LTV1: variants seen among roughly 807,000 people sequenced by gnomAD.
LTV1 encodes the protein LTV1 ribosome biogenesis factor.
LTV1 carries 39 observed loss-of-function variants against 59.9 expected under a neutral mutation model. That is an observed-to-expected ratio of 0.65 (90% CI 0.50 to 0.85). LTV1 has a LOEUF of 0.85. Ranked by LOEUF, LTV1 falls within the 40% of genes least tolerant of loss-of-function variation. The pLI is 0.00. For missense variants in LTV1, 493 were observed against 549.1 expected, an observed-to-expected ratio of 0.90 and a Z score of 1.02; for synonymous variants, 171 against 189.5, an observed-to-expected ratio of 0.90 and a Z score of 0.80.
chr6:143,861,939 C>G (rs1777170826), intron 7 of LTV1, among the ~76,000 whole-genome samples, 165 bp from the exon 8 acceptor site: 1 of 152,106 alleles, frequency 6.6e-6, no homozygotes, highest in Non-Finnish European at 1.5e-5. Context: ...AGAGGCAGGG[C>G]TGGGTAGAAC....
At chr6:143,861,980 CTG>C (rs1777171858) in intron 7 of LTV1, 122 bp from the exon 8 acceptor site, 1 of 889,492 alleles carries the variant, frequency 1.1e-6, no homozygotes, top group Non-Finnish European at 1.7e-6. Flanking sequence ...GGATGGGTCA[CTG>C]GAATATGTGC....
Position 143,862,229 on chromosome 6 carries a change from G to A in LTV1, c.1049G>A (p.Cys350Tyr). 2.5e-6 allele frequency: 4 copies of A among 1,612,896 alleles called. No homozygotes were observed. The highest frequency in any genetic ancestry group is 1.3e-5 in the African/African-American group (1 of 74,976). The stretch of plus-strand genomic sequence containing the variant: ...GAAGAAGCCAAAGAGAAGTGGGATT[G>A]TGAATCTATTTGTAGTAAGTATATT... Reference protein sequence around the residue: ...VLEEAKEKWDCESICSTYSNL... With the variant: ...VLEEAKEKWDYESICSTYSNL... Residue 350 changes from cysteine (C) to tyrosine (Y), a missense_variant, in exon 8 of 11, where the codon TGT becomes TAT. Physicochemically the swap from Cys to Tyr is radical, Grantham distance 194. Coordinates refer to ENST00000367576, the MANE Select transcript of LTV1 (RefSeq NM_032860.5). This position sits in a 1 kb window ranked among gnomAD's most constrained non-coding sequence, Gnocchi z 4.2.
In LTV1 at chr6:143,846,228, A is replaced by G. The variant is rs778497468; in HGVS notation, c.309+4A>G. The G allele has an allele frequency of 8.1e-6, 13 of 1,606,466 alleles. No homozygotes were observed. In the South Asian group the frequency reaches 1.3e-4, roughly 17 times the overall value. On this transcript the variant is annotated splice_donor_region_variant and intron_variant, in intron 3 of 10. Transcript: ENST00000367576. ...AGAAGAAACGCTAGTAATTCCAGTA[A>G]GGCTTTTCAGCAATTTAATTGTGGG...
intron 6 of LTV1, 133 bp from the exon 7 acceptor site, chr6:143,860,293 T>C: frequency 1.5e-6 from 1 of 682,224 alleles, no homozygotes; most frequent in South Asian, 2.5e-5. Context: ...CCTACTGATA[T>C]TTTAATGGTA....
chr6:143,850,317 C>T (rs1776962133), intron 4 of LTV1, 99 bp downstream of exon 4: 2 of 821,262 alleles, frequency 2.4e-6, no homozygotes, highest in African/African-American at 1.7e-5. Context: ...AGTATTGAAA[C>T]AATTGAGATA....
rs1249051842 is a variant in LTV1 at position 143,862,880 on chromosome 6, T to C, written c.1100T>C (p.Ile367Thr). The change falls in exon 9 of 11, where the codon ATC (isoleucine) becomes ACC (threonine). Residue 367 changes from isoleucine to threonine, a missense_variant. By Grantham distance (89) the Ile-to-Thr change is moderately conservative. Coordinates refer to ENST00000367576, the MANE Select transcript of LTV1 (RefSeq NM_032860.5). The surrounding 1 kb of genome is among the most constrained non-coding windows in gnomAD (Gnocchi z 4.2). Reference protein sequence around the residue: ...YSNLYNHPQLIKYQPKPKQIR... With the variant: ...YSNLYNHPQLTKYQPKPKQIR... The stretch of plus-strand genomic sequence containing the variant: ...AATTTATATAACCATCCACAGCTTA[T>C]CAAGTATCAACCAAAGGTAAGTCCT... The C allele has an allele frequency of 2.5e-6, 4 of 1,596,402 alleles. No homozygotes were observed. Among genetic ancestry groups the C allele is most frequent in the Non-Finnish European group, 3.4e-6 (4 of 1,164,086 alleles).
intron 4 of LTV1, among the ~76,000 whole-genome samples, chr6:143,852,215 C>A (rs4896679): frequency 0.2 from 30,465 of 152,158 alleles, 3,250 homozygotes; most frequent in East Asian, 0.44. Flanking sequence ...TCCTATTTCT[C>A]CACATCCTCT....
chr6:143,860,876 A>C (rs908480401), intron 7 of LTV1, among the ~76,000 whole-genome samples: 1 of 151,944 alleles, frequency 6.6e-6, no homozygotes, highest in Admixed American at 6.6e-5. Flanking sequence ...GAGTCATGGT[A>C]GAATGTGTAT....
rs563530825 is a variant in LTV1, at chr6:143,853,245, C to T, written c.397+3027C>T. ...TTTGTAGCAATTGTGAATGGGAGTT[C>T]CCTCACAATTTGGCTCTCTGTTTGT... On this transcript the variant is annotated intron_variant, in intron 4 of 10. Coordinates refer to ENST00000367576, the MANE Select transcript of LTV1 (RefSeq NM_032860.5). 1.8e-3 allele frequency among the ~76,000 whole-genome samples: 275 copies of T among 152,218 alleles called. 2 individuals are homozygous for T. Among genetic ancestry groups the T allele is most frequent in the Non-Finnish European group, 2.9e-3 (195 of 68,002 alleles).
rs1235923649 is a variant in LTV1, at chr6:143,850,133, C to T, written c.312C>T (p.Ser104=). 3 of 1,612,088 alleles carry T rather than the reference C, an allele frequency of 1.9e-6. No homozygotes were observed. Among genetic ancestry groups the T allele is most frequent in the Admixed American group, 1.7e-5 (1 of 59,804 alleles). ...EEKEETLVIP[S]TGIKLPSSVF... ...CATTGTGCAATTTCTTTTTCAAGAGCACTGGAATTAAGTTGCCTTCATCAG... is the reference window on the plus strand; with the variant it reads ...CATTGTGCAATTTCTTTTTCAAGAGTACTGGAATTAAGTTGCCTTCATCAG... The change falls in exon 4 of 11, where the codon AGC becomes AGT. Residue 104 remains serine (S), a splice_region_variant and synonymous_variant. Coordinates refer to ENST00000367576, the MANE Select transcript of LTV1 (RefSeq NM_032860.5).
Position 143,862,044 on chromosome 6 carries a change from G to C in LTV1, c.924-60G>C. On this transcript the variant is annotated intron_variant, in intron 7 of 10. Transcript: ENST00000367576. The surrounding 1 kb of genome is among the most constrained non-coding windows in gnomAD (Gnocchi z 4.2). ...TAAAAATTGCAGTTTTAGTGACATA[G>C]TATAATAATAGGTCATTTTTCCCCC... 6.4e-7 allele frequency: 1 copy of C among 1,555,336 alleles called. No individual in the cohort carries two copies. The highest frequency in any genetic ancestry group is 8.7e-7 in the Non-Finnish European group (1 of 1,145,266).
intron 4 of LTV1, among the ~76,000 whole-genome samples, chr6:143,856,834 TG>T (rs1777083611): frequency 6.6e-6 from 1 of 152,202 alleles, no homozygotes; most frequent in East Asian, 1.9e-4. Flanking sequence ...ACCCGCCAGA[TG>T]CCAACCAGAG....
intron 6 of LTV1, 128 bp from the exon 7 acceptor site, chr6:143,860,298 A>G (rs1334850706): frequency 1.6e-5 from 11 of 694,130 alleles, no homozygotes; most frequent in Non-Finnish European, 2.6e-5. Flanking sequence ...TGATATTTTA[A>G]TGGTAATTGT....
intron 7 of LTV1, among the ~76,000 whole-genome samples, chr6:143,860,787 T>C (rs1777150547): frequency 6.6e-6 from 1 of 152,152 alleles, no homozygotes; most frequent in South Asian, 2.1e-4. Context: ...TTTGCCTACA[T>C]TTTGGTGTTA....
intron 3 of LTV1, among the ~76,000 whole-genome samples, chr6:143,848,665 C>T (rs1463632232): frequency 6.6e-6 from 1 of 152,110 alleles, no homozygotes; most frequent in Non-Finnish European, 1.5e-5. Flanking sequence ...AGGAAACAAG[C>T]ATAAGAACCA....
rs17073109 is a variant in LTV1, at chr6:143,845,988, G to A, written c.136-63G>A. On this transcript the variant is annotated intron_variant, in intron 2 of 10. Coordinates refer to ENST00000367576, the MANE Select transcript of LTV1 (RefSeq NM_032860.5). ...ATATTCCCATGCCTTATCCTTGGAAGGCTTACTGATTCCATTTTGTTTATA... is the reference window on the plus strand; with the variant it reads ...ATATTCCCATGCCTTATCCTTGGAAAGCTTACTGATTCCATTTTGTTTATA... 1,593 of 1,506,118 alleles carry A rather than the reference G, an allele frequency of 1.1e-3. 33 individuals are homozygous for A. The East Asian group carries it at 0.034, about 32-fold the overall frequency. 93.3% of individuals were successfully genotyped at this position (1,506,118 alleles called of 1,614,324 possible).
At chr6:143,854,473 T>C (rs1380773199) in intron 4 of LTV1, among the ~76,000 whole-genome samples, 1 of 152,140 alleles carries the variant, frequency 6.6e-6, no homozygotes. Flanking sequence ...GTTTTAGTTA[T>C]GTCTTGTCTT....
rs1777177475 is a variant in LTV1 at position 143,862,242 on chromosome 6, T to A, written c.1062T>A (p.Cys354Ter). 6.2e-7 allele frequency: 1 copy of A among 1,611,234 alleles called. No homozygotes were observed. The highest frequency in any genetic ancestry group is 8.5e-7 in the Non-Finnish European group (1 of 1,177,674). ...AGAAGTGGGATTGTGAATCTATTTG[T>A]AGTAAGTATATTCACTTTATGATAG... is the stretch of plus-strand genomic sequence containing the variant. Reference protein sequence around the residue: ...AKEKWDCESICSTYSNLYNHP... With the variant: ...AKEKWDCESI Residue 354 changes from cysteine to a stop codon, truncating the protein, a stop_gained and splice_region_variant, in exon 8 of 11, where the codon TGT (cysteine) becomes TGA (stop). Coordinates refer to ENST00000367576, the MANE Select transcript of LTV1 (RefSeq NM_032860.5). LOFTEE classifies it high-confidence loss of function. The surrounding 1 kb of genome is among the most constrained non-coding windows in gnomAD (Gnocchi z 4.2).
At chr6:143,856,246 G>A (rs1777075518) in intron 4 of LTV1, among the ~76,000 whole-genome samples, 1 of 152,140 alleles carries the variant, frequency 6.6e-6, no homozygotes, top group South Asian at 2.1e-4. Context: ...ACTTGTGTAT[G>A]CTTCACAAAG....
Sources: allele counts gnomAD v4.1 joint callset (sites outside exome capture counted in the v4.1 genomes callset), GRCh38; gene constraint gnomAD v4.1.1; non-coding constraint Gnocchi (gnomAD v3.1); transcripts MANE v1.5; gene names NCBI Gene and HGNC (gene_info 2026-07-23, HGNC 2026-07-21).